SHLD1: variants seen among roughly 807,000 people sequenced by gnomAD.
SHLD1 encodes the protein RINN1-REV7-interacting novel NHEJ regulator 3.
In SHLD1, 3 loss-of-function variants were observed where a neutral mutation model predicts 5.5. The ratio of observed to expected loss-of-function variants is 0.54; its 90% CI spans 0.25 to 1.40. The LOEUF is 1.40. Ranked by LOEUF, SHLD1 falls within the 40% of genes most tolerant of loss-of-function variation. The pLI, the probability that SHLD1 is intolerant of heterozygous loss-of-function variation, is 0.15. For synonymous variants in SHLD1, 92 were observed against 94.3 expected (o/e 0.98, Z 0.14); for missense variants, 210 against 244.4 (o/e 0.86, Z 0.94).
chr20:5,807,599 C>T (rs576160512), intron 2 of SHLD1, among the ~76,000 whole-genome samples: 2 of 152,130 alleles, frequency 1.3e-5, no homozygotes, highest in African/African-American at 4.8e-5. Flanking sequence ...TTGCAAACTT[C>T]CAGGCTAAAG....
chr20:5,763,834 C>T (rs989523321), intron 1 of SHLD1, among the ~76,000 whole-genome samples: 2 of 150,334 alleles, frequency 1.3e-5, no homozygotes, highest in Non-Finnish European at 3.0e-5. Flanking sequence ...ACTGGCCGGG[C>T]GCAATGGCTC....
intron 2 of SHLD1, among the ~76,000 whole-genome samples, chr20:5,808,375 CATAA>C (rs1167210797): frequency 6.6e-6 from 1 of 152,096 alleles, no homozygotes; most frequent in Non-Finnish European, 1.5e-5. Flanking sequence ...GATCTATATA[CATAA>C]ATATAGATAG....
intron 2 of SHLD1, among the ~76,000 whole-genome samples, chr20:5,840,958 G>C (rs775273180): frequency 3.3e-5 from 5 of 151,922 alleles, no homozygotes; most frequent in Non-Finnish European, 7.4e-5. Flanking sequence ...TTAGTCAATG[G>C]AACACCTACA....
intron 2 of SHLD1, among the ~76,000 whole-genome samples, chr20:5,861,189 T>G (rs2088158082): frequency 6.6e-6 from 1 of 152,252 alleles, no homozygotes; most frequent in Admixed American, 6.5e-5. Context: ...CATTGCGTGG[T>G]CCTTTCAGAA....
intron 2 of SHLD1, among the ~76,000 whole-genome samples, chr20:5,805,862 A>G (rs932736160): frequency 2.6e-5 from 4 of 152,156 alleles, no homozygotes; most frequent in African/African-American, 9.7e-5. Context: ...TGGCCTCCCA[A>G]AGTGCTGGGA....
At chr20:5,786,034 G>A (rs963680663) in intron 2 of SHLD1, among the ~76,000 whole-genome samples, 1 of 152,044 alleles carries the variant, frequency 6.6e-6, no homozygotes, top group Non-Finnish European at 1.5e-5. Context: ...AGAAGGTGTT[G>A]GGGCTCAGAA....
Position 5,801,791 on chromosome 20 carries a change from G to A in SHLD1, c.178+28748G>A, listed in dbSNP as rs143341241. ...AATAACCTGGGAGATTGATTCCCCC[G>A]CCCCCCGTATCCCATAGATGGGAAA... is the stretch of plus-strand genomic sequence containing the variant. On this transcript the variant is annotated intron_variant, in intron 2 of 2. Coordinates refer to ENST00000303142, the MANE Select transcript of SHLD1 (RefSeq NM_152504.4). 4.1e-3 allele frequency among the ~76,000 whole-genome samples: 625 copies of A among 152,040 alleles called. 2 individuals carry two copies. The highest frequency in any genetic ancestry group is 0.014 in the African/African-American group (583 of 41,476).
At chr20:5,775,951 G>A (rs1422085770) in intron 2 of SHLD1, among the ~76,000 whole-genome samples, 1 of 35,232 alleles carries the variant, frequency 2.8e-5, no homozygotes, top group African/African-American at 1.9e-4. Flanking sequence ...TTTTTGAGAT[G>A]GAGTCTCGCT....
intron 2 of SHLD1, among the ~76,000 whole-genome samples, chr20:5,792,273 G>T (rs2087151890): frequency 6.6e-6 from 1 of 152,110 alleles, no homozygotes; most frequent in Admixed American, 6.6e-5. Context: ...CAAGTCTAAT[G>T]TCATGAAGCT....
intron 2 of SHLD1, among the ~76,000 whole-genome samples, chr20:5,804,855 G>A (rs1266918915): frequency 6.6e-6 from 1 of 152,182 alleles, no homozygotes; most frequent in Non-Finnish European, 1.5e-5. Context: ...AAAGACTCCA[G>A]CACTTTGTTT....
At chr20:5,856,183 G>A (rs2088081613) in intron 2 of SHLD1, among the ~76,000 whole-genome samples, 1 of 152,222 alleles carries the variant, frequency 6.6e-6, no homozygotes, top group South Asian at 2.1e-4. Flanking sequence ...AGGCCTCACT[G>A]ATTAACGTCT....
At chr20:5,780,948 T>C (rs1227954972) in intron 2 of SHLD1, among the ~76,000 whole-genome samples, 1 of 152,164 alleles carries the variant, frequency 6.6e-6, no homozygotes, top group Non-Finnish European at 1.5e-5. Flanking sequence ...AGCAAGGACA[T>C]GAGACTTAAG....
chr20:5,772,385 C>T (rs968669565), intron 1 of SHLD1, among the ~76,000 whole-genome samples: 16 of 152,082 alleles, frequency 1.1e-4, no homozygotes, highest in African/African-American at 1.9e-4. Flanking sequence ...AGTTCAGATA[C>T]GCTGGACAGG....
intron 1 of SHLD1, among the ~76,000 whole-genome samples, chr20:5,755,438 A>T (rs982752925): frequency 6.6e-5 from 10 of 152,214 alleles, no homozygotes; most frequent in Non-Finnish European, 1.3e-4. Context: ...GAAGTAGAAC[A>T]GTTTCATCCC....
intron 1 of SHLD1, among the ~76,000 whole-genome samples, chr20:5,770,247 C>G (rs1985081976): frequency 1.3e-5 from 2 of 152,152 alleles, no homozygotes; most frequent in African/African-American, 4.8e-5. Context: ...TTGCCTTTCT[C>G]TAACTCAAAA....
intron 2 of SHLD1, among the ~76,000 whole-genome samples, chr20:5,854,045 G>C (rs1270139685): frequency 6.7e-6 from 1 of 148,388 alleles, no homozygotes; most frequent in Non-Finnish European, 1.5e-5. Flanking sequence ...TGCTCTTGTT[G>C]CCCAGGCTGG....
chr20:5,757,892 C>T (rs1388146917), intron 1 of SHLD1, among the ~76,000 whole-genome samples: 7 of 152,166 alleles, frequency 4.6e-5, no homozygotes, highest in Non-Finnish European at 1.0e-4. Context: ...CATGAGCCAC[C>T]ATGCCCAGTC....
intron 2 of SHLD1, among the ~76,000 whole-genome samples, chr20:5,785,273 C>T (rs2087043703): frequency 6.6e-6 from 1 of 152,186 alleles, no homozygotes; most frequent in African/African-American, 2.4e-5. Flanking sequence ...CTGTGCTATG[C>T]ATTTCACACA....
chr20:5,838,732 G>A (rs1235764353), intron 2 of SHLD1, among the ~76,000 whole-genome samples: 1 of 152,158 alleles, frequency 6.6e-6, no homozygotes, highest in African/African-American at 2.4e-5. Flanking sequence ...GAGCTGAGAC[G>A]GCGCCACTGC....
Sources: gnomAD v4.1 joint callset for allele counts (sites outside exome capture counted in the v4.1 genomes callset) on GRCh38, gnomAD v4.1.1 for gene constraint, MANE v1.5 for transcripts, NCBI Gene and HGNC (gene_info 2026-07-23, HGNC 2026-07-21) for gene names.